NBEA: variants seen among roughly 807,000 people sequenced by gnomAD.
NBEA encodes the protein lysosomal-trafficking regulator 2.
In NBEA, 44 loss-of-function variants were observed where a neutral mutation model predicts 343.4. The ratio of observed to expected loss-of-function variants is 0.13; its 90% confidence interval spans 0.10 to 0.16. The LOEUF (loss-of-function observed/expected upper bound fraction) is 0.16, where lower values mean the gene tolerates loss of function less well. Ranked by LOEUF, NBEA falls within the 10% of genes least tolerant of loss-of-function variation. The probability of loss-of-function intolerance (pLI) is 1.00; values close to 1 mark genes in which losing one functional copy is unlikely to be tolerated. For synonymous variants in NBEA, 1,175 were observed against 1,238.7 expected (o/e 0.95, Z 1.08); for missense variants, 2,555 against 3,631.3 (o/e 0.70, Z 7.62).
chr13:35,633,264 G>C (rs1425110900), intron 49 of NBEA, among the ~76,000 whole-genome samples: 2 of 150,912 alleles, frequency 1.3e-5, no homozygotes, highest in Non-Finnish European at 3.0e-5. Context: ...TGCCACGCCC[G>C]GCTAATTTTT....
intron 17 of NBEA, among the ~76,000 whole-genome samples, chr13:35,127,950 A>G (rs1186577770): frequency 2.0e-5 from 3 of 152,098 alleles, no homozygotes; most frequent in African/African-American, 7.2e-5. Context: ...GTTGTAAGAA[A>G]AATATCACAA....
chr13:35,609,594 G>A (rs1490632191), intron 48 of NBEA, among the ~76,000 whole-genome samples: 1 of 152,156 alleles, frequency 6.6e-6, no homozygotes, highest in Non-Finnish European at 1.5e-5. Flanking sequence ...TTTGGCGTTA[G>A]CATTTTTGAA....
chr13:35,351,099 G>C (rs1361687687), intron 37 of NBEA, among the ~76,000 whole-genome samples: 2 of 151,924 alleles, frequency 1.3e-5, no homozygotes, highest in Non-Finnish European at 2.9e-5. Context: ...TTAGATTACT[G>C]TAGGGTTATT....
intron 38 of NBEA, among the ~76,000 whole-genome samples, chr13:35,354,121 C>G (rs923689127): frequency 1.3e-5 from 2 of 152,098 alleles, no homozygotes; most frequent in Admixed American, 6.6e-5. Flanking sequence ...TACAAAATAC[C>G]TCCACAGCAA....
chr13:35,594,271 A>G (rs2081661613), intron 47 of NBEA, among the ~76,000 whole-genome samples: 1 of 152,056 alleles, frequency 6.6e-6, no homozygotes, highest in Non-Finnish European at 1.5e-5. Flanking sequence ...GTATCATTCC[A>G]TTTAGAGCCT....
At chr13:35,241,918 A>G (rs1437856182) in intron 34 of NBEA, among the ~76,000 whole-genome samples, 1 of 151,906 alleles carries the variant, frequency 6.6e-6, no homozygotes, top group African/African-American at 2.4e-5. Flanking sequence ...TGGAAGGGAA[A>G]GAATGGAACT....
chr13:35,062,597 G>T (rs1370151253), intron 8 of NBEA, among the ~76,000 whole-genome samples: 4 of 151,680 alleles, frequency 2.6e-5, no homozygotes, highest in Non-Finnish European at 5.9e-5. Flanking sequence ...ATCAGGCAGA[G>T]GAAAACTAGA....
chr13:35,417,729 G>A (rs2044011516), intron 38 of NBEA, among the ~76,000 whole-genome samples: 2 of 152,000 alleles, frequency 1.3e-5, no homozygotes, highest in South Asian at 2.1e-4. Context: ...TGGGGTGGAG[G>A]TTCTGTAGAT....
intron 46 of NBEA, among the ~76,000 whole-genome samples, chr13:35,591,765 G>A (rs879839473): frequency 5.3e-5 from 8 of 151,954 alleles, no homozygotes; most frequent in African/African-American, 1.2e-4. Context: ...AGTTTAAGGG[G>A]GCAAAGTATG....
At chr13:35,250,495 C>G (rs912480224) in intron 34 of NBEA, among the ~76,000 whole-genome samples, 17 of 152,260 alleles carry the variant, frequency 1.1e-4, no homozygotes, top group Middle Eastern at 3.4e-3. Flanking sequence ...ATTTCACTCC[C>G]ATCCAATAAG....
chr13:35,330,261 C>G lies in NBEA; in HGVS notation c.5904-18847C>G, dbSNP rs569326076. ...GAGATGATAACTGTAAAGCACTTAGCCTATTAAGTAATCAGTTCTCAATGT... is the reference window on the plus strand; with the variant it reads ...GAGATGATAACTGTAAAGCACTTAGGCTATTAAGTAATCAGTTCTCAATGT... On this transcript the variant is annotated intron_variant, in intron 36 of 58. Transcript: ENST00000379939. Among the ~76,000 whole-genome samples the G allele has an allele frequency of 2.0e-3, 307 of 152,068 alleles. 2 individuals are homozygous for G. Among genetic ancestry groups the G allele is most frequent in the African/African-American group, 7.2e-3 (299 of 41,504 alleles).
chr13:35,100,662 A>G lies in NBEA; in HGVS notation c.1680+2257A>G, dbSNP rs377594374. 4.0e-4 allele frequency among the ~76,000 whole-genome samples: 61 copies of G among 152,140 alleles called. No homozygotes were observed. The South Asian group carries it at 0.012, about 30-fold the overall frequency. On this transcript the variant is annotated intron_variant, in intron 11 of 58. Transcript: ENST00000379939. ...TTAGCTTATAATTAGAAATATTTGT[A>G]AAAGCCTTCAAATAAAGACATATGT...
intron 44 of NBEA, among the ~76,000 whole-genome samples, chr13:35,561,613 T>C (rs1402551454): frequency 6.6e-6 from 1 of 152,146 alleles, no homozygotes; most frequent in Non-Finnish European, 1.5e-5. Context: ...TAAAAGTGTC[T>C]CATACTTGAC....
chr13:35,218,727 T>G (rs1041853381), intron 33 of NBEA, among the ~76,000 whole-genome samples: 3 of 152,028 alleles, frequency 2.0e-5, no homozygotes, highest in Non-Finnish European at 2.9e-5. Flanking sequence ...GAAGTTTATC[T>G]TATGCTTTTT....
chr13:35,025,958 T>C (rs1348595274), intron 1 of NBEA, among the ~76,000 whole-genome samples: 1 of 151,932 alleles, frequency 6.6e-6, no homozygotes, highest in Non-Finnish European at 1.5e-5. Flanking sequence ...TTCTTTTGCA[T>C]TTTGATTTTT....
intron 36 of NBEA, among the ~76,000 whole-genome samples, chr13:35,331,447 A>T (rs1176400786): frequency 6.6e-6 from 1 of 152,022 alleles, no homozygotes; most frequent in East Asian, 1.9e-4. Flanking sequence ...AATGCTGCTG[A>T]ACAACAGAAC....
At chr13:35,207,039 C>G (rs2073441144) in intron 31 of NBEA, among the ~76,000 whole-genome samples, 1 of 151,666 alleles carries the variant, frequency 6.6e-6, no homozygotes, top group Admixed American at 6.6e-5. Flanking sequence ...GAAGAAAGTA[C>G]CTAGAAGGAG....
chr13:35,657,039 CA>C, intron 55 of NBEA, among the ~76,000 whole-genome samples: 1 of 152,286 alleles, frequency 6.6e-6, no homozygotes, highest in Non-Finnish European at 1.5e-5. Context: ...TCCATCCCCC[CA>C]ACCCTTATGC....
chr13:34,991,711 A>G (rs1262451357), intron 1 of NBEA, among the ~76,000 whole-genome samples: 3 of 152,180 alleles, frequency 2.0e-5, no homozygotes, highest in Admixed American at 1.3e-4. Context: ...CTAAGGACAT[A>G]TATTATTCTA....
Sources: gnomAD v4.1 joint callset for allele counts (sites outside exome capture counted in the v4.1 genomes callset) on GRCh38, gnomAD v4.1.1 for gene constraint, MANE v1.5 for transcripts, NCBI Gene and HGNC (gene_info 2026-07-23, HGNC 2026-07-21) for gene names.